Variants in EPHA3 observed in about 807,000 individuals in gnomAD.
The protein encoded by EPHA3 is EPH receptor A3.
A neutral mutation model predicts 107.1 loss-of-function variants in EPHA3; 42 were observed. The observed-to-expected ratio is 0.39, with a 90% CI of 0.31 to 0.51. EPHA3 has a LOEUF of 0.51. Ranked by LOEUF, EPHA3 falls within the 20% of genes least tolerant of loss-of-function variation. The pLI is 0.78. For synonymous variants in EPHA3, 461 were observed against 424.8 expected, an observed-to-expected ratio of 1.09 and a Z score of -1.05; for missense variants, 1,183 against 1,211.2, an observed-to-expected ratio of 0.98 and a Z score of 0.35.
intron 7 of EPHA3, 68 bp downstream of exon 7, chr3:89,399,548 T>A: frequency 1.3e-6 from 2 of 1,579,450 alleles, no homozygotes; most frequent in Non-Finnish European, 8.6e-7. Context: ...TGATCGTTTA[T>A]TCTCACTGTT....
intron 5 of EPHA3, among the ~76,000 whole-genome samples, chr3:89,394,616 T>G (rs1047392941): frequency 8.5e-5 from 13 of 152,200 alleles, no homozygotes; most frequent in African/African-American, 2.4e-5. Flanking sequence ...AAAGTGTTTA[T>G]AGATAGGAAA....
chr3:89,428,994 G>A (rs1366172657), intron 11 of EPHA3, 112 bp from the exon 12 acceptor site: 4 of 635,926 alleles, frequency 6.3e-6, no homozygotes, highest in Admixed American at 3.5e-5. Context: ...TAGAAGACAG[G>A]CAAAGTTCTT....
intron 3 of EPHA3, among the ~76,000 whole-genome samples, chr3:89,264,526 C>G (rs1332876081): frequency 1.3e-5 from 2 of 152,108 alleles, no homozygotes; most frequent in African/African-American, 4.8e-5. Context: ...GTTACGTATT[C>G]TAATGTAGAT....
rs143780201 is a variant in EPHA3, at chr3:89,381,636, T to G, written c.1307-14201T>G. 9.5e-3 allele frequency among the ~76,000 whole-genome samples: 1,436 copies of G among 151,606 alleles called. 12 individuals carry two copies. Among genetic ancestry groups the G allele is most frequent in the African/African-American group, 0.033 (1,362 of 41,328 alleles). On this transcript the variant is annotated intron_variant, in intron 5 of 16. Transcript: ENST00000336596. ...ATGAGCCAAGATTATATCACAGCACTCCAGCCTGGGTGACGGAGTGAGACT... is the reference window on the plus strand; with the variant it reads ...ATGAGCCAAGATTATATCACAGCACGCCAGCCTGGGTGACGGAGTGAGACT...
chr3:89,204,607 A>AATGTGTGT (rs1348525261), intron 2 of EPHA3, among the ~76,000 whole-genome samples: 10 of 45,456 alleles, frequency 2.2e-4, no homozygotes, highest in African/African-American at 5.7e-4. Flanking sequence ...TCTGTGTGTA[A>AATGTGTGT]ATGTGTGTGT....
At chr3:89,439,120 T>A (rs2107544489) in intron 13 of EPHA3, among the ~76,000 whole-genome samples, 1 of 152,086 alleles carries the variant, frequency 6.6e-6, no homozygotes, top group Middle Eastern at 3.4e-3. Flanking sequence ...GAGCAGAAAA[T>A]GGGTTTGAAT....
At chr3:89,476,356 G>C (rs1368625814) in intron 16 of EPHA3, among the ~76,000 whole-genome samples, 4 of 148,442 alleles carry the variant, frequency 2.7e-5, no homozygotes, top group Admixed American at 2.7e-4. Context: ...TCTCAAATCA[G>C]TCTGTGAACT....
At chr3:89,446,561 CTGTCATCAACCT>C (rs1416297084) in intron 13 of EPHA3, among the ~76,000 whole-genome samples, 48 of 152,152 alleles carry the variant, frequency 3.2e-4, no homozygotes, top group African/African-American at 1.1e-3. Flanking sequence ...TCTTTCATGG[CTGTCATCAACCT>C]ATTGTTTTTT....
At chr3:89,353,062 A>T (rs914769037) in intron 5 of EPHA3, among the ~76,000 whole-genome samples, 1 of 151,190 alleles carries the variant, frequency 6.6e-6, no homozygotes, top group African/African-American at 2.4e-5. Context: ...GTGTATGTAG[A>T]TATGACAAAG....
intron 2 of EPHA3, among the ~76,000 whole-genome samples, chr3:89,190,876 G>A (rs1172686275): frequency 2.0e-5 from 3 of 151,912 alleles, no homozygotes; most frequent in East Asian, 1.9e-4. Flanking sequence ...CCGTAGTATC[G>A]AATTAGAGCT....
At chr3:89,429,292 C>A in intron 12 of EPHA3, 125 bp downstream of exon 12, 1 of 630,340 alleles carries the variant, frequency 1.6e-6, no homozygotes, top group Non-Finnish European at 2.6e-6. Flanking sequence ...TCTTCTGAGG[C>A]TAAATAGACA....
At chr3:89,405,943 T>A (rs1709048116) in intron 7 of EPHA3, among the ~76,000 whole-genome samples, 4 of 152,168 alleles carry the variant, frequency 2.6e-5, no homozygotes, top group African/African-American at 7.2e-5. Context: ...GAAATTTGCA[T>A]CTTATCCTGA....
chr3:89,254,867 G>A (rs1705244921), intron 3 of EPHA3, among the ~76,000 whole-genome samples: 1 of 152,166 alleles, frequency 6.6e-6, no homozygotes, highest in South Asian at 2.1e-4. Context: ...ACTCTAAAGG[G>A]CTTCCTATAG....
At position 89,218,915 on chromosome 3, in the gene EPHA3, G is replaced by C. The variant is rs181589747; in HGVS notation, c.814+8395G>C. 7.2e-5 allele frequency among the ~76,000 whole-genome samples: 11 copies of C among 152,212 alleles called. No individual in the cohort carries two copies. The East Asian group carries it at 1.9e-3, about 27-fold the overall frequency. Reference sequence around the variant, plus strand: ...AACTAGTTCAACCATTGTGGAAGTCGGTGTGGCGATTCCTCAGGGATCTAG... The same window carrying C: ...AACTAGTTCAACCATTGTGGAAGTCCGTGTGGCGATTCCTCAGGGATCTAG... On this transcript the variant is annotated intron_variant, in intron 3 of 16. Transcript: ENST00000336596.
intron 3 of EPHA3, among the ~76,000 whole-genome samples, chr3:89,234,793 TCCTTCCTTCCCTCCTC>T (rs1230935763): frequency 1.9e-4 from 26 of 135,526 alleles, no homozygotes; most frequent in African/African-American, 6.7e-4. Context: ...CCTCCCTCCT[TCCTTCCTTCCCTCCTC>T]CTTTCTTTCC....
chr3:89,446,611 A>G (rs1014190681), intron 13 of EPHA3, among the ~76,000 whole-genome samples: 1 of 152,126 alleles, frequency 6.6e-6, no homozygotes, highest in Non-Finnish European at 1.5e-5. Flanking sequence ...AATTTCAACT[A>G]GAGACCATGG....
At chr3:89,238,115 C>G (rs2107238332) in intron 3 of EPHA3, among the ~76,000 whole-genome samples, 1 of 152,218 alleles carries the variant, frequency 6.6e-6, no homozygotes, top group Admixed American at 6.5e-5. Flanking sequence ...TAGAGAACAG[C>G]AATGATAACA....
At chr3:89,407,208 C>G in intron 7 of EPHA3, 61 bp from the exon 8 acceptor site, 1 of 1,170,812 alleles carries the variant, frequency 8.5e-7, no homozygotes, top group African/African-American at 1.5e-5. Flanking sequence ...ATCAACTGTT[C>G]CATGTAGATG....
chr3:89,172,739 A>C lies in EPHA3; in HGVS notation c.154-37121A>C, dbSNP rs141131993. 1.2e-3 allele frequency among the ~76,000 whole-genome samples: 183 copies of C among 152,296 alleles called. 5 individuals carry two copies. The East Asian group carries it at 0.032, about 27-fold the overall frequency. ...GTGTGATCATTAATACTTCACTCAGAAAGGTGATCTATTCCATATTGTTAA... is the reference window on the plus strand; with the variant it reads ...GTGTGATCATTAATACTTCACTCAGCAAGGTGATCTATTCCATATTGTTAA... On this transcript the variant is annotated intron_variant, in intron 2 of 16. Transcript: ENST00000336596.
Sources: allele counts gnomAD v4.1 joint callset (sites outside exome capture counted in the v4.1 genomes callset), GRCh38; gene constraint gnomAD v4.1.1; transcripts MANE v1.5; gene names NCBI Gene and HGNC (gene_info 2026-07-23, HGNC 2026-07-21).